PCCB: variants seen among roughly 807,000 people sequenced by gnomAD.
PCCB encodes propionyl-CoA carboxylase beta chain, mitochondrial.
A neutral mutation model predicts 60.7 loss-of-function variants in PCCB; 43 were observed. That is an observed-to-expected ratio of 0.71 (90% confidence interval 0.55 to 0.91). The LOEUF (loss-of-function observed/expected upper bound fraction) is 0.91, where lower values mean the gene tolerates loss of function less well. Among genes scored for constraint, PCCB ranks in the 40% least tolerant of loss-of-function variants. The pLI, the probability that PCCB is intolerant of heterozygous loss-of-function variation, is 0.00. For missense variants in PCCB, 766 were observed against 702.8 expected (o/e 1.09, Z -1.02); for synonymous variants, 276 against 255.9 (o/e 1.08, Z -0.75).
At chr3:136,300,879 T>G (rs1934245343) in intron 8 of PCCB, 151 bp from the exon 9 acceptor site, 1 of 697,372 alleles carries the variant, frequency 1.4e-6, no homozygotes, top group Admixed American at 2.1e-5. Context: ...TAAAAAGGAA[T>G]GACTCTTTGG....
At chr3:136,308,853 A>G (rs984504921) in intron 9 of PCCB, among the ~76,000 whole-genome samples, 1 of 152,204 alleles carries the variant, frequency 6.6e-6, no homozygotes, top group Non-Finnish European at 1.5e-5. Flanking sequence ...ATAGAAACCA[A>G]ATGACAGAAT....
chr3:136,260,228 C>T (rs1044371134), intron 3 of PCCB: 13 of 536,202 alleles, frequency 2.4e-5, no homozygotes, highest in African/African-American at 2.1e-4. Context: ...CATGTGCCAC[C>T]ATGCGCAGCT....
chr3:136,271,150 T>C (rs1553776048), intron 5 of PCCB, among the ~76,000 whole-genome samples: 1 of 152,164 alleles, frequency 6.6e-6, no homozygotes, highest in Non-Finnish European at 1.5e-5. Flanking sequence ...TATTTTTGTT[T>C]TTGTTGCATT....
chr3:136,312,825 A>G (rs1160734541), intron 9 of PCCB, among the ~76,000 whole-genome samples: 1 of 152,186 alleles, frequency 6.6e-6, no homozygotes, highest in Non-Finnish European at 1.5e-5. Context: ...GGCAACCAAT[A>G]TGCTAGAAGA....
At chr3:136,293,281 A>T (rs1031296768) in intron 6 of PCCB, among the ~76,000 whole-genome samples, 1 of 152,204 alleles carries the variant, frequency 6.6e-6, no homozygotes, top group Non-Finnish European at 1.5e-5. Context: ...GGGATTACAG[A>T]TGTGAGCCAC....
At chr3:136,252,297 G>A (rs1233254485) in intron 1 of PCCB, 1 of 455,496 alleles carries the variant, frequency 2.2e-6, no homozygotes, top group Admixed American at 2.4e-5. Context: ...TCACTCTGTT[G>A]CCCAGGCTAG....
chr3:136,268,084 GTAGA>G (rs1364032921), intron 5 of PCCB, among the ~76,000 whole-genome samples: 1 of 60,944 alleles, frequency 1.6e-5, no homozygotes, highest in African/African-American at 7.5e-5. Flanking sequence ...GTGTGTGTGT[GTAGA>G]TATATATATA....
At chr3:136,255,394 G>A (rs1006200960) in intron 1 of PCCB, 1 of 223,792 alleles carries the variant, frequency 4.5e-6, no homozygotes, top group Non-Finnish European at 9.0e-6. Context: ...GGTGGGAGCT[G>A]GGAGCAGTAG....
At chr3:136,281,479 G>A (rs1942473594) in intron 5 of PCCB, among the ~76,000 whole-genome samples, 1 of 151,544 alleles carries the variant, frequency 6.6e-6, no homozygotes, top group Non-Finnish European at 1.5e-5. Context: ...CTGTCTCTTT[G>A]TGGTGTTCTC....
intron 3 of PCCB, among the ~76,000 whole-genome samples, chr3:136,259,729 C>T (rs1327029208): frequency 6.6e-6 from 1 of 152,038 alleles, no homozygotes; most frequent in African/African-American, 2.4e-5. Context: ...ATTTTTTAAA[C>T]TTCTGAAAAT....
chr3:136,321,968 G>C (rs1023631405), intron 10 of PCCB, among the ~76,000 whole-genome samples: 1 of 152,096 alleles, frequency 6.6e-6, no homozygotes, highest in South Asian at 2.1e-4. Context: ...ATGTGTATAC[G>C]TTTTATTTTC....
chr3:136,301,138 C>T, intron 9 of PCCB, 27 bp downstream of exon 9: 1 of 1,568,142 alleles, frequency 6.4e-7, no homozygotes, highest in Non-Finnish European at 8.8e-7. Context: ...TTTGTCTTGC[C>T]TGTCCTAGTC....
At chr3:136,317,152 T>A in intron 10 of PCCB, 88 bp downstream of exon 10, 1 of 1,334,256 alleles carries the variant, frequency 7.5e-7, no homozygotes, top group South Asian at 1.2e-5. Context: ...TTTTGCCTGT[T>A]CTTCAGACAT....
chr3:136,273,837 A>G (rs1419626213), intron 5 of PCCB, among the ~76,000 whole-genome samples: 3 of 138,396 alleles, frequency 2.2e-5, no homozygotes, highest in African/African-American at 5.4e-5. Flanking sequence ...GCGTGAACCC[A>G]GGAGGCGGAG....
intron 9 of PCCB, among the ~76,000 whole-genome samples, chr3:136,314,798 A>G (rs1273199308): frequency 6.6e-6 from 1 of 152,252 alleles, no homozygotes; most frequent in Non-Finnish European, 1.5e-5. Flanking sequence ...AACTAGATTA[A>G]TGATTAAAGT....
At chr3:136,319,964 C>T (rs990660153) in intron 10 of PCCB, among the ~76,000 whole-genome samples, 1 of 152,154 alleles carries the variant, frequency 6.6e-6, no homozygotes, top group African/African-American at 2.4e-5. Context: ...ATTATTCTTT[C>T]CTCATTGAAC....
chr3:136,271,110 A>G (rs1942186218), intron 5 of PCCB, among the ~76,000 whole-genome samples: 1 of 152,094 alleles, frequency 6.6e-6, no homozygotes, highest in African/African-American at 2.4e-5. Context: ...TTTGCTGTGC[A>G]GAAGCTTTTT....
intron 5 of PCCB, among the ~76,000 whole-genome samples, chr3:136,282,592 C>A (rs994679646): frequency 1.3e-5 from 2 of 152,076 alleles, no homozygotes; most frequent in African/African-American, 4.8e-5. Context: ...CCATTTTCTC[C>A]CCCTTCATTT....
intron 5 of PCCB, among the ~76,000 whole-genome samples, chr3:136,273,243 A>G (rs759817238): frequency 2.0e-5 from 3 of 152,164 alleles, no homozygotes; most frequent in African/African-American, 4.8e-5. Context: ...CATACAGTCT[A>G]TCTTGGAGAA....
Sources: gnomAD v4.1 joint callset for allele counts (sites outside exome capture counted in the v4.1 genomes callset) on GRCh38, gnomAD v4.1.1 for gene constraint, MANE v1.5 for transcripts, NCBI Gene and HGNC (gene_info 2026-07-23, HGNC 2026-07-21) for gene names.